ADAMTS9: variants seen among roughly 807,000 people sequenced by gnomAD.
The protein encoded by ADAMTS9 is A disintegrin and metalloproteinase with thrombospondin motifs 9.
A neutral mutation model predicts 257.1 loss-of-function variants in ADAMTS9; 107 were observed. That is an observed-to-expected ratio of 0.42 (90% confidence interval 0.36 to 0.49). The LOEUF is 0.49. Among genes scored for constraint, ADAMTS9 ranks in the 20% least tolerant of loss-of-function variants. The pLI is 0.03. For synonymous variants in ADAMTS9, 982 were observed against 880.9 expected (o/e 1.11, Z -2.03); for missense variants, 2,353 against 2,469.1 (o/e 0.95, Z 1.00).
Position 64,541,080 on chromosome 3 carries a change from T to C in ADAMTS9, c.5521+15A>G. The C allele has an allele frequency of 6.2e-7, 1 of 1,613,522 alleles. No homozygotes were observed. The highest frequency in any genetic ancestry group is 8.5e-7 in the Non-Finnish European group (1 of 1,179,670). The stretch of plus-strand genomic sequence containing the variant: ...AAGAACGCACACGTTCCCAAAGGAC[T>C]CCTCACTAACTTACTGATTATCTGC... On this transcript the variant is annotated intron_variant, in intron 36 of 39. Coordinates refer to ENST00000498707, the MANE Select transcript of ADAMTS9 (RefSeq NM_182920.2).
At chr3:64,569,572 A>G (rs1220600307) in intron 28 of ADAMTS9, among the ~76,000 whole-genome samples, 1 of 152,232 alleles carries the variant, frequency 6.6e-6, no homozygotes, top group Admixed American at 6.5e-5. Flanking sequence ...ATGCCTAATA[A>G]ATAGCACCAT....
intron 6 of ADAMTS9, 143 bp downstream of exon 6, chr3:64,655,433 C>A: frequency 6.0e-6 from 4 of 669,366 alleles, no homozygotes; most frequent in Non-Finnish European, 1.1e-5. Flanking sequence ...TTGCAATGCA[C>A]AGAAGGAATT....
intron 28 of ADAMTS9, among the ~76,000 whole-genome samples, chr3:64,574,559 C>CAAAAAAAAAAAAA: frequency 1.2e-5 from 1 of 80,776 alleles, no homozygotes; most frequent in Non-Finnish European, 2.8e-5. Flanking sequence ...CCCATCTCTA[C>CAAAAAAAAAAAAA]AAAAAAAAAA....
At chr3:64,538,403 TATTTA>T (rs2083076078) in intron 37 of ADAMTS9, among the ~76,000 whole-genome samples, 1 of 152,074 alleles carries the variant, frequency 6.6e-6, no homozygotes, top group Admixed American at 6.5e-5. Flanking sequence ...GTCCAACTTT[TATTTA>T]TTTTTTTAAA....
At chr3:64,670,898 G>C (rs964433090) in intron 3 of ADAMTS9, among the ~76,000 whole-genome samples, 3 of 152,186 alleles carry the variant, frequency 2.0e-5, no homozygotes, top group African/African-American at 7.2e-5. Flanking sequence ...ACCAAGTGCT[G>C]GAAAGGATGC....
chr3:64,541,110 T>C lies in ADAMTS9; in HGVS notation c.5506A>G (p.Ser1836Gly). Residue 1836 changes from serine to glycine, a missense_variant, in exon 36 of 40, where the codon AGC becomes GGC. Around this residue, in one of 3 missense-constraint regions of ADAMTS9, gnomAD observed 1,402 missense variants for 1,441.4 expected, o/e 0.97. Coordinates refer to ENST00000498707, the MANE Select transcript of ADAMTS9 (RefSeq NM_182920.2). ...ACTAACTTACTGATTATCTGCATGCTGGTCAGGTCTATTCTGATTTTCTGA... is the reference window on the plus strand; with the variant it reads ...ACTAACTTACTGATTATCTGCATGCCGGTCAGGTCTATTCTGATTTTCTGA... Reference protein sequence around the residue: ...SFQKIRIDLTSMQIITTDLQF... With the variant: ...SFQKIRIDLTGMQIITTDLQF... 6.2e-7 allele frequency: 1 copy of C among 1,613,824 alleles called. No homozygotes were observed. Among genetic ancestry groups the C allele is most frequent in the Non-Finnish European group, 8.5e-7 (1 of 1,179,848 alleles).
chr3:64,569,232 T>C (rs1470844320), intron 28 of ADAMTS9, among the ~76,000 whole-genome samples: 3 of 152,182 alleles, frequency 2.0e-5, no homozygotes, highest in Non-Finnish European at 2.9e-5. Flanking sequence ...AAAGTGCCCA[T>C]GGAGTCGGGA....
chr3:64,594,456 C>T (rs1314981635), intron 27 of ADAMTS9, 22 bp from the exon 28 acceptor site: 2 of 1,602,212 alleles, frequency 1.2e-6, no homozygotes, highest in Non-Finnish European at 1.7e-6. Context: ...AAAAGGAAGG[C>T]TGCAGTTATT....
intron 25 of ADAMTS9, among the ~76,000 whole-genome samples, chr3:64,602,652 C>T (rs2084486795): frequency 6.6e-6 from 1 of 152,196 alleles, no homozygotes; most frequent in African/African-American, 2.4e-5. Flanking sequence ...TTCATACCTA[C>T]TGCACCTTTT....
At position 64,649,617 on chromosome 3, in the gene ADAMTS9, A is replaced by T; in HGVS notation, c.1605+20T>A. On this transcript the variant is annotated intron_variant, in intron 10 of 39. Coordinates refer to ENST00000498707, the MANE Select transcript of ADAMTS9 (RefSeq NM_182920.2). ...TGCAGAATCAGTAGATGAGGGCAGA[A>T]GTGGCCCTCCTACACTTACCATATA... The T allele has an allele frequency of 6.3e-7, 1 of 1,597,468 alleles. No homozygotes were observed.
At chr3:64,520,527 C>T (rs976683221) in intron 39 of ADAMTS9, among the ~76,000 whole-genome samples, 26 of 152,086 alleles carry the variant, frequency 1.7e-4, no homozygotes, top group Non-Finnish European at 3.5e-4. Flanking sequence ...ATCATATTAC[C>T]GGACTTCAAA....
chr3:64,549,279 C>G (rs1378828377), intron 31 of ADAMTS9, among the ~76,000 whole-genome samples: 1 of 152,148 alleles, frequency 6.6e-6, no homozygotes, highest in Non-Finnish European at 1.5e-5. Flanking sequence ...TCAATCTTCT[C>G]CCTGTTTCAT....
chr3:64,619,687 A>C (rs777104311), intron 19 of ADAMTS9, among the ~76,000 whole-genome samples: 2 of 152,198 alleles, frequency 1.3e-5, no homozygotes, highest in Non-Finnish European at 2.9e-5. Flanking sequence ...TGTTAGAAAA[A>C]ATAGTTCTTA....
Position 64,687,722 on chromosome 3 carries a change from G to A in ADAMTS9, c.-65C>T. The A allele has an allele frequency of 7.9e-7, 1 of 1,269,740 alleles. No homozygotes were observed. The highest frequency in any genetic ancestry group is 1.1e-6 in the Non-Finnish European group (1 of 947,300). The allele number at this position is 1,269,740 out of a possible 1,614,324, so 78.7% of individuals were successfully genotyped here. A position where few individuals can be genotyped will look rare whatever the true frequency, so the allele number is the denominator to read the frequency against. ...CCCTCCTGCCCTCCTTGGCTGCGGC[G>A]GCGACGCGAGGCAGCGGCCGTGGAG... On this transcript the variant is annotated 5_prime_UTR_variant, in exon 1 of 40. Transcript: ENST00000498707. The surrounding 1 kb of genome is among the most constrained non-coding windows in gnomAD (Gnocchi z 4.4).
At position 64,649,750 on chromosome 3, in the gene ADAMTS9, C is replaced by T. The variant is rs773453319; in HGVS notation, c.1492G>A (p.Glu498Lys). ...DTGYGECLLN[E>K]PESRPYPLPV... ...AAAGGGTAGGGTCTGGATTCAGGTT[C>T]GTTAAGCAAACACTCGCCATAACCA... Residue 498 changes from glutamate (E) to lysine (K), a missense_variant, in exon 10 of 40, where the codon GAA (glutamate) becomes AAA (lysine). This residue lies in a region of ADAMTS9 where 360 missense variants were observed against 458.1 expected (regional missense o/e 0.79). Coordinates refer to ENST00000498707, the MANE Select transcript of ADAMTS9 (RefSeq NM_182920.2). 37 of 1,613,718 alleles carry T rather than the reference C, an allele frequency of 2.3e-5. No individual in the cohort carries two copies. The highest frequency in any genetic ancestry group is 4.0e-5 in the African/African-American group (3 of 74,870).
At chr3:64,617,978 C>T (rs4340697) in intron 19 of ADAMTS9, among the ~76,000 whole-genome samples, 12,388 of 152,202 alleles carry the variant, frequency 0.081, 784 homozygotes, top group East Asian at 0.25. Flanking sequence ...TATTGACTGT[C>T]AGTTTGATAG....
At chr3:64,544,906 ACAAAT>A (rs1249591466) in intron 32 of ADAMTS9, among the ~76,000 whole-genome samples, 2 of 152,206 alleles carry the variant, frequency 1.3e-5, no homozygotes, top group Non-Finnish European at 2.9e-5. Context: ...AAGAACTTAC[ACAAAT>A]TTACAAGAAA....
chr3:64,654,266 C>A (rs1056782825), intron 8 of ADAMTS9, 87 bp downstream of exon 8: 9 of 1,340,710 alleles, frequency 6.7e-6, no homozygotes, highest in East Asian at 2.3e-5. Context: ...CTTACACACT[C>A]GAAAGTCAAG....
At chr3:64,631,980 G>A in intron 14 of ADAMTS9, 55 bp from the exon 15 acceptor site, 2 of 1,294,430 alleles carry the variant, frequency 1.5e-6, no homozygotes, top group East Asian at 2.3e-5. Flanking sequence ...ATTATAAAAT[G>A]GCAAATAATG....
Sources: gnomAD v4.1 joint callset for allele counts (sites outside exome capture counted in the v4.1 genomes callset) on GRCh38, gnomAD v4.1.1 for gene constraint, gnomAD v4.1.1 regional missense constraint, Gnocchi (gnomAD v3.1) non-coding constraint, MANE v1.5 for transcripts, NCBI Gene and HGNC (gene_info 2026-07-23, HGNC 2026-07-21) for gene names.